The following CDON variants were observed in gnomAD, a reference collection of about 807,000 sequenced individuals.
CDON encodes the protein cell adhesion molecule-related/down-regulated by oncogenes.
A neutral mutation model predicts 120.9 loss-of-function variants in CDON; 73 were observed. The observed-to-expected ratio is 0.60, with a 90% CI of 0.50 to 0.73. The LOEUF is 0.73. Ranked by LOEUF, CDON falls within the 30% of genes least tolerant of loss-of-function variation. CDON has a pLI of 0.00. For synonymous variants in CDON, 566 were observed against 573.5 expected (o/e 0.99, Z 0.19); for missense variants, 1,470 against 1,587.3 (o/e 0.93, Z 1.26).
intron 18 of CDON, among the ~76,000 whole-genome samples, chr11:125,974,646 T>G (rs907058625): frequency 9.2e-5 from 14 of 152,100 alleles, no homozygotes; most frequent in Non-Finnish European, 1.0e-4. Context: ...GGATATTGTC[T>G]CCTTTGGTGT....
Position 125,957,899 on chromosome 11 carries a change from G to T in CDON, c.*3043C>A, listed in dbSNP as rs1945527830. The T allele has an allele frequency of 6.6e-6, 1 of 152,198 alleles. No individual in the cohort carries two copies. The highest frequency in any genetic ancestry group is 2.1e-4 in the South Asian group (1 of 4,828). 9.4% of individuals were successfully genotyped at this position (152,198 alleles called of 1,614,324 possible). On this transcript the variant is annotated 3_prime_UTR_variant, in exon 20 of 20. Coordinates refer to ENST00000531738, the MANE Select transcript of CDON (RefSeq NM_001378964.1). ...AGGAGATCGTGAAATGATACAGTGG[G>T]AGCGGGGCAGTTTATGCTAAAACAA...
chr11:126,029,929 T>C (rs193295260), intron 1 of CDON, among the ~76,000 whole-genome samples: 1 of 152,246 alleles, frequency 6.6e-6, no homozygotes, highest in East Asian at 1.9e-4. Flanking sequence ...AGTAAAACCA[T>C]TAAACCATCT....
chr11:126,052,519 A>G (rs1948588288), intron 1 of CDON, among the ~76,000 whole-genome samples: 1 of 152,202 alleles, frequency 6.6e-6, no homozygotes, highest in African/African-American at 2.4e-5. Context: ...ATATTTGGAA[A>G]ATAAAAATAA....
intron 15 of CDON, among the ~76,000 whole-genome samples, chr11:125,989,215 A>G (rs1946555848): frequency 6.6e-6 from 1 of 152,188 alleles, no homozygotes; most frequent in Admixed American, 6.5e-5. Context: ...AAAATGGTCC[A>G]AAGCAGAAAC....
Position 125,958,594 on chromosome 11 carries a change from TATATA to T in CDON, c.*2343_*2347del, listed in dbSNP as rs1171434524. Reference sequence around the variant, plus strand: ...GTGTGTGTGTGTGTGTGTGTGTGTTTATATATATATATTTATATATTTCAATATAT... The same window carrying T: ...GTGTGTGTGTGTGTGTGTGTGTGTTTTATATATTTATATATTTCAATATAT... On this transcript the variant is annotated 3_prime_UTR_variant, in exon 20 of 20. Transcript: ENST00000531738. 6.8e-6 allele frequency: 1 copy of T among 146,594 alleles called. No individual in the cohort carries two copies. The highest frequency in any genetic ancestry group is 6.9e-5 in the Admixed American group (1 of 14,586). 9.1% of individuals were successfully genotyped at this position (146,594 alleles called of 1,614,324 possible). A position where few individuals can be genotyped will look rare whatever the true frequency, so the allele number is the denominator to read the frequency against.
Position 125,981,041 on chromosome 11 carries a change from T to A in CDON, c.3276+8A>T. ...AGAGGGGCTTTTATTTATAGTTAGG[T>A]CTCTTACATTCACTAGATGATGAGG... On this transcript the variant is annotated splice_region_variant and intron_variant, in intron 17 of 19. Coordinates refer to ENST00000531738, the MANE Select transcript of CDON (RefSeq NM_001378964.1). 1.2e-5 allele frequency: 19 copies of A among 1,614,004 alleles called. No individual in the cohort carries two copies. The highest frequency in any genetic ancestry group is 1.5e-5 in the Non-Finnish European group (18 of 1,179,926).
rs183510348 is a variant in CDON at position 126,044,692 on chromosome 11, A to C, written c.-62+17887T>G. 2.4e-3 allele frequency among the ~76,000 whole-genome samples: 366 copies of C among 152,284 alleles called. 3 individuals carry two copies. Among genetic ancestry groups the C allele is most frequent in the Middle Eastern group, 0.01 (3 of 294 alleles). On this transcript the variant is annotated intron_variant, in intron 1 of 19. Transcript: ENST00000531738. ...ATATGTGGGAGCTAAAAATTTTTTA[A>C]AATTGAACTCAGGGAGACAGAGAAT...
rs1383518501 is a variant in CDON at position 125,994,876 on chromosome 11, A to C, written c.2539T>G (p.Trp847Gly). 1 of 1,613,450 alleles carries C rather than the reference A, an allele frequency of 6.2e-7. No homozygotes were observed. The highest frequency in any genetic ancestry group is 8.5e-7 in the Non-Finnish European group (1 of 1,179,382). The change falls in exon 13 of 20, where the codon TGG becomes GGG. Residue 847 changes from tryptophan to glycine, a missense_variant. Physicochemically the swap from Trp to Gly is radical, Grantham distance 184. Transcript: ENST00000531738. Reference protein sequence around the residue: ...AVSDTQIMLKWTYIPSSNNNT... With the variant: ...AVSDTQIMLKGTYIPSSNNNT... ...TCCAGAAGATGTGTACTGACCGTCC[A>C]CTTTAGCATGATCTGAGTATCGCTG...
At position 126,004,055 on chromosome 11, in the gene CDON, G is replaced by A. The variant is rs1947041118; in HGVS notation, c.1873C>T (p.Leu625=). 1.9e-6 allele frequency: 3 copies of A among 1,613,834 alleles called. No individual in the cohort carries two copies. In the East Asian group the frequency reaches 6.7e-5, roughly 36 times the overall value. ...YRKLDDGVGM[L]GSWHTVRVPG... The stretch of plus-strand genomic sequence containing the variant: ...ACTCGAACCGTGTGCCAGCTTCCCA[G>A]CATGCCAACCCCATCATCCAGCTGC... Residue 625 remains leucine (L), a synonymous_variant, in exon 10 of 20, where the codon CTG becomes TTG. Coordinates refer to ENST00000531738, the MANE Select transcript of CDON (RefSeq NM_001378964.1).
intron 9 of CDON, 158 bp from the exon 10 acceptor site, chr11:126,004,234 T>C (rs919345700): frequency 2.7e-6 from 2 of 746,522 alleles, no homozygotes; most frequent in African/African-American, 3.5e-5. Context: ...CTTCTTCATA[T>C]TAAGAAATAG....
rs1193053529 is a variant in CDON at position 125,961,866 on chromosome 11, G to T, written c.3489C>A (p.Ser1163=). 1.2e-6 allele frequency: 2 copies of T among 1,614,206 alleles called. No homozygotes were observed. The highest frequency in any genetic ancestry group is 4.5e-5 in the East Asian group (2 of 44,872). ...GCAACTGGCCACAATCAGGGACTGC[G>T]GAAGTCAGGCATACAGGCACCTTCA... The part of the protein sequence containing the change: ...SHVKVPVCLT[S]AVPDCGQLPE... The change falls in exon 19 of 20, where the codon TCC becomes TCA. Residue 1163 remains serine (S), a synonymous_variant. Transcript: ENST00000531738.
intron 14 of CDON, among the ~76,000 whole-genome samples, chr11:125,992,113 C>A (rs1946645738): frequency 6.6e-6 from 1 of 152,098 alleles, no homozygotes; most frequent in Admixed American, 6.6e-5. Context: ...TTGTTTAGAA[C>A]CATTTTATGG....
intron 12 of CDON, among the ~76,000 whole-genome samples, chr11:125,996,942 C>A (rs1013619063): frequency 2.0e-5 from 3 of 151,964 alleles, no homozygotes; most frequent in African/African-American, 7.3e-5. Flanking sequence ...AGTAGGAGAC[C>A]GAGGGCGGCA....
intron 1 of CDON, among the ~76,000 whole-genome samples, chr11:126,032,002 G>A (rs1277778926): frequency 6.6e-6 from 1 of 152,086 alleles, no homozygotes; most frequent in Non-Finnish European, 1.5e-5. Flanking sequence ...CCATTGACAT[G>A]TTTTTCTATC....
rs1413683847 is a variant in CDON at position 126,048,628 on chromosome 11, T to G, written c.-62+13951A>C. Among the ~76,000 whole-genome samples, 8 of 152,182 alleles carry G rather than the reference T, an allele frequency of 5.3e-5. 1 individual carries two copies. Among genetic ancestry groups the G allele is most frequent in the Non-Finnish European group, 1.2e-4 (8 of 68,032 alleles). On this transcript the variant is annotated intron_variant, in intron 1 of 19. Coordinates refer to ENST00000531738, the MANE Select transcript of CDON (RefSeq NM_001378964.1). ...AAAATTCTACTACATAAAGAATATA[T>G]AGCATCAAAGAAAACCATGTTAAGA...
chr11:125,992,830 G>A (rs1053671962), intron 14 of CDON, among the ~76,000 whole-genome samples: 1 of 151,998 alleles, frequency 6.6e-6, no homozygotes, highest in Non-Finnish European at 1.5e-5. Flanking sequence ...AAATAACCTT[G>A]GCCTATGGCA....
At chr11:126,000,772 T>A (rs1323747377) in intron 11 of CDON, among the ~76,000 whole-genome samples, 1 of 152,178 alleles carries the variant, frequency 6.6e-6, no homozygotes, top group Non-Finnish European at 1.5e-5. Flanking sequence ...TTCAAAGTGT[T>A]ATAACCTGCT....
chr11:125,996,912 G>C (rs547489682), intron 12 of CDON, among the ~76,000 whole-genome samples: 2 of 152,036 alleles, frequency 1.3e-5, no homozygotes, highest in East Asian at 3.9e-4. Flanking sequence ...TATGGCTCAC[G>C]CCTGTAATCC....
chr11:125,983,911 T>C lies in CDON; in HGVS notation c.2956A>G (p.Met986Val), dbSNP rs1946385040. Reference protein sequence around the residue: ...MVLILMVFIAMCLWKNRQQNT... With the variant: ...MVLILMVFIAVCLWKNRQQNT... The stretch of plus-strand genomic sequence containing the variant: ...TGCTGGCGATTCTTCCACAGGCACA[T>C]TGCAATGAAAACCATCAGAATGAGG... Residue 986 changes from methionine (M) to valine (V), a missense_variant, in exon 16 of 20, where the codon ATG becomes GTG. Transcript: ENST00000531738. The C allele has an allele frequency of 6.2e-7, 1 of 1,614,076 alleles. No individual in the cohort carries two copies. Among genetic ancestry groups the C allele is most frequent in the Non-Finnish European group, 8.5e-7 (1 of 1,180,012 alleles).
Sources: allele counts gnomAD v4.1 joint callset (sites outside exome capture counted in the v4.1 genomes callset), GRCh38; gene constraint gnomAD v4.1.1; transcripts MANE v1.5; gene names NCBI Gene and HGNC (gene_info 2026-07-23, HGNC 2026-07-21).